Variants in KAT6B observed in about 807,000 individuals in gnomAD.
KAT6B encodes lysine acetyltransferase 6B.
KAT6B carries 10 observed loss-of-function variants against 187.5 expected under a neutral mutation model. That is an observed-to-expected ratio of 0.05 (90% CI 0.03 to 0.09). The LOEUF (loss-of-function observed/expected upper bound fraction) is 0.09, where lower values mean the gene tolerates loss of function less well. KAT6B is among the 10% of genes least tolerant of loss of function. KAT6B has a pLI of 1.00. For synonymous variants in KAT6B, 861 were observed against 926.8 expected, an observed-to-expected ratio of 0.93 and a Z score of 1.29; for missense variants, 1,952 against 2,558.9, an observed-to-expected ratio of 0.76 and a Z score of 5.12.
chr10:74,989,840 C>T (rs1843018135), intron 13 of KAT6B, among the ~76,000 whole-genome samples: 1 of 151,610 alleles, frequency 6.6e-6, no homozygotes, highest in African/African-American at 2.4e-5. Context: ...AGAATCAATT[C>T]AAAATATCTA....
intron 2 of KAT6B, among the ~76,000 whole-genome samples, chr10:74,840,804 A>T (rs905590346): frequency 6.6e-6 from 1 of 152,214 alleles, no homozygotes; most frequent in African/African-American, 2.4e-5. Context: ...TTGGGTTGGC[A>T]TTTAAAACTG....
chr10:74,918,940 G>C (rs113517059), intron 3 of KAT6B, among the ~76,000 whole-genome samples: 1 of 151,904 alleles, frequency 6.6e-6, no homozygotes, highest in African/African-American at 2.4e-5. Flanking sequence ...TCTCTGGGCC[G>C]TGCATGGTGG....
At chr10:74,964,535 G>T (rs76813575) in intron 4 of KAT6B, among the ~76,000 whole-genome samples, 4,691 of 152,020 alleles carry the variant, frequency 0.031, 193 homozygotes, top group East Asian at 0.16. Context: ...GTCTGTCGTG[G>T]CCCTGTGTTT....
At chr10:74,993,557 A>G (rs1399495395) in intron 13 of KAT6B, among the ~76,000 whole-genome samples, 1 of 152,246 alleles carries the variant, frequency 6.6e-6, no homozygotes, top group Non-Finnish European at 1.5e-5. Flanking sequence ...AAAGTAATTT[A>G]TGCACATTTG....
chr10:74,859,318 C>T (rs1040656597), intron 3 of KAT6B, among the ~76,000 whole-genome samples: 1 of 151,950 alleles, frequency 6.6e-6, no homozygotes, highest in African/African-American at 2.4e-5. Context: ...CCCCTGGCCT[C>T]AAGAGATCCA....
chr10:74,852,932 G>A (rs1286553344), intron 3 of KAT6B, among the ~76,000 whole-genome samples: 1 of 152,106 alleles, frequency 6.6e-6, no homozygotes, highest in Non-Finnish European at 1.5e-5. Context: ...TAGCTTTGAA[G>A]TTATTTAACA....
In KAT6B at chr10:75,030,910, G is replaced by A. The variant is rs771794910; in HGVS notation, c.6086G>A (p.Gly2029Asp). Residue 2029 changes from glycine (G) to aspartate (D), a missense_variant, in exon 18 of 18, where the codon GGC becomes GAC. Gly to Asp is a moderately conservative substitution (Grantham distance 94, BLOSUM62 -1). Transcript: ENST00000287239. This position sits in a 1 kb window ranked among gnomAD's most constrained non-coding sequence, Gnocchi z 4.8. ...ATGCAGATGCAGATGGGCATGATGG[G>A]CACCCAGCCATATGCCCAGCAGCCA... is the stretch of plus-strand genomic sequence containing the variant. ...YPMQMQMGMM[G>D]TQPYAQQPMQ... The A allele has an allele frequency of 1.2e-6, 2 of 1,613,828 alleles. No homozygotes were observed. Among genetic ancestry groups the A allele is most frequent in the Admixed American group, 1.7e-5 (1 of 60,014 alleles).
In KAT6B at chr10:74,918,517, G is replaced by A. The variant is rs139207979; in HGVS notation, c.622-41453G>A. 1.5e-3 allele frequency among the ~76,000 whole-genome samples: 228 copies of A among 152,292 alleles called. 1 individual carries two copies. Among genetic ancestry groups the A allele is most frequent in the African/African-American group, 4.6e-3 (193 of 41,566 alleles). ...AGCACTTTGGGAGACCAAGGCAGGC[G>A]GATAACCTAAGGTCAGGAGTTCAGG... On this transcript the variant is annotated intron_variant, in intron 3 of 17. Coordinates refer to ENST00000287239, the MANE Select transcript of KAT6B (RefSeq NM_012330.4).
At chr10:74,947,282 G>A (rs750101058) in intron 3 of KAT6B, among the ~76,000 whole-genome samples, 1 of 152,114 alleles carries the variant, frequency 6.6e-6, no homozygotes, top group Admixed American at 6.5e-5. Context: ...ATGAGCCACC[G>A]CTCCCGGCTG....
rs780626865 is a variant in KAT6B at position 74,955,383 on chromosome 10, T to TCTC, written c.622-4586_622-4585insTCC. 4.5e-3 allele frequency among the ~76,000 whole-genome samples: 453 copies of TCTC among 101,422 alleles called. 5 individuals carry two copies. Among genetic ancestry groups the TCTC allele is most frequent in the African/African-American group, 0.017 (440 of 25,884 alleles). 66.5% of individuals were successfully genotyped at this position (101,422 alleles called of 152,430 possible). A position where few individuals can be genotyped will look rare whatever the true frequency, so the allele number is the denominator to read the frequency against. On this transcript the variant is annotated intron_variant, in intron 3 of 17. Coordinates refer to ENST00000287239, the MANE Select transcript of KAT6B (RefSeq NM_012330.4). ...TTGAGAGTAAAGGGACACAATTTTA[T>TCTC]CCCCCCCCCCCCAACTTTTTGTTTG...
intron 1 of KAT6B, among the ~76,000 whole-genome samples, chr10:74,830,748 A>ATATATATATATATATATATATG (rs1840716302): frequency 6.3e-4 from 12 of 19,052 alleles, no homozygotes; most frequent in African/African-American, 3.0e-3. Context: ...ATATATATAT[A>ATATATATATATATATATATATG]TATATATATA....
Position 75,022,147 on chromosome 10 carries a change from GGAAGAAGAAGAA to G in KAT6B, c.3301_3312del (p.Glu1101_Glu1104del), listed in dbSNP as rs71929101. ...AAGAGGATGAAGAGGAGGAAGAAGA[GGAAGAAGAAGAA>G]GAAGAAGAAGAAAATATTCAAAGCT... On this transcript the variant is annotated inframe_deletion, in exon 16 of 18. Coordinates refer to ENST00000287239, the MANE Select transcript of KAT6B (RefSeq NM_012330.4). 1.2e-6 allele frequency: 2 copies of G among 1,605,904 alleles called. No homozygotes were observed. Among genetic ancestry groups the G allele is most frequent in the Non-Finnish European group, 8.5e-7 (1 of 1,175,286 alleles).
intron 3 of KAT6B, among the ~76,000 whole-genome samples, chr10:74,927,393 A>G (rs1301151433): frequency 6.7e-6 from 1 of 149,148 alleles, no homozygotes; most frequent in Non-Finnish European, 1.5e-5. Context: ...TGAACTGGGG[A>G]GCCATCGGCC....
chr10:74,861,994 A>G lies in KAT6B; in HGVS notation c.621+18516A>G, dbSNP rs572589898. Reference sequence around the variant, plus strand: ...CTTCATAGCAGCCATTCACTTGTCTAGAAATCTTTGCATTTGGTTAAGCAG... The same window carrying G: ...CTTCATAGCAGCCATTCACTTGTCTGGAAATCTTTGCATTTGGTTAAGCAG... On this transcript the variant is annotated intron_variant, in intron 3 of 17. Transcript: ENST00000287239. Among the ~76,000 whole-genome samples the G allele has an allele frequency of 2.1e-3, 319 of 152,324 alleles. 1 individual carries two copies. The highest frequency in any genetic ancestry group is 6.4e-3 in the African/African-American group (267 of 41,582).
rs1035173026 is a variant in KAT6B at position 75,031,415 on chromosome 10, T to C, written c.*369T>C. On this transcript the variant is annotated 3_prime_UTR_variant, in exon 18 of 18. Transcript: ENST00000287239. Reference sequence around the variant, plus strand: ...TTTTAATATTGAACCTAGAGCTTTTTTTTTCCCTTCCCTGTCCACTCCATG... The same window carrying C: ...TTTTAATATTGAACCTAGAGCTTTTCTTTTCCCTTCCCTGTCCACTCCATG... 6 of 370,470 alleles carry C rather than the reference T, an allele frequency of 1.6e-5. No homozygotes were observed. Among genetic ancestry groups the C allele is most frequent in the Non-Finnish European group, 3.0e-5 (6 of 201,262 alleles). 22.9% of individuals were successfully genotyped at this position (370,470 alleles called of 1,614,324 possible). A position where few individuals can be genotyped will look rare whatever the true frequency, so the allele number is the denominator to read the frequency against.
At chr10:74,959,056 A>ATAAG (rs1286704405) in intron 3 of KAT6B, among the ~76,000 whole-genome samples, 1 of 151,422 alleles carries the variant, frequency 6.6e-6, no homozygotes, top group Non-Finnish European at 1.5e-5. Context: ...AAATAAATAA[A>ATAAG]TAAATAAATA....
Position 74,951,111 on chromosome 10 carries a change from C to CT in KAT6B, c.622-8846dup, listed in dbSNP as rs747344802. On this transcript the variant is annotated intron_variant, in intron 3 of 17. Coordinates refer to ENST00000287239, the MANE Select transcript of KAT6B (RefSeq NM_012330.4). ...CATTTTACTTGGCTTCCTTCTTTTT[C>CT]TTTTTTTTTTTTTAATTTTTAATTT... Among the ~76,000 whole-genome samples, 860 of 143,956 alleles carry CT rather than the reference C, an allele frequency of 6.0e-3. 16 individuals carry two copies. Among genetic ancestry groups the CT allele is most frequent in the Admixed American group, 0.026 (370 of 14,428 alleles). 94.4% of individuals were successfully genotyped at this position (143,956 alleles called of 152,430 possible).
chr10:74,859,030 C>G (rs1842994867), intron 3 of KAT6B, among the ~76,000 whole-genome samples: 1 of 152,164 alleles, frequency 6.6e-6, no homozygotes, highest in Admixed American at 6.5e-5. Context: ...AGCCAGTGTG[C>G]CCTGCCTTTG....
intron 3 of KAT6B, among the ~76,000 whole-genome samples, chr10:74,958,191 T>C (rs904891034): frequency 6.6e-6 from 1 of 152,236 alleles, no homozygotes; most frequent in African/African-American, 2.4e-5. Context: ...TTGGAATCAT[T>C]ATAACCATTG....
Sources: allele counts gnomAD v4.1 joint callset (sites outside exome capture counted in the v4.1 genomes callset), GRCh38; gene constraint gnomAD v4.1.1; non-coding constraint Gnocchi (gnomAD v3.1); transcripts MANE v1.5; gene names NCBI Gene and HGNC (gene_info 2026-07-23, HGNC 2026-07-21).